Variants in SYCP1 observed in about 807,000 individuals in gnomAD.
SYCP1 encodes the protein synaptonemal complex protein 1.
A neutral mutation model predicts 153.1 loss-of-function variants in SYCP1; 64 were observed. The observed-to-expected ratio is 0.42, with a 90% CI of 0.34 to 0.51. The LOEUF (loss-of-function observed/expected upper bound fraction) is 0.51, where lower values mean the gene tolerates loss of function less well. Among genes scored for constraint, SYCP1 ranks in the 20% least tolerant of loss-of-function variants. The pLI is 0.06. For synonymous variants in SYCP1, 384 were observed against 341.8 expected (o/e 1.12, Z -1.36); for missense variants, 997 against 1,049.0 (o/e 0.95, Z 0.68).
chr1:114,938,868 C>G (rs928351202), intron 23 of SYCP1, among the ~76,000 whole-genome samples: 8 of 152,074 alleles, frequency 5.3e-5, no homozygotes, highest in Non-Finnish European at 1.2e-4. Flanking sequence ...GATATTACCT[C>G]ATACCCATTA....
intron 15 of SYCP1, among the ~76,000 whole-genome samples, chr1:114,890,524 TA>T (rs1331541930): frequency 6.6e-6 from 1 of 152,076 alleles, no homozygotes; most frequent in Non-Finnish European, 1.5e-5. Flanking sequence ...AGAGGAAGCC[TA>T]AGATAGCAAT....
chr1:114,947,036 A>G (rs567532988), intron 26 of SYCP1, among the ~76,000 whole-genome samples: 5 of 152,324 alleles, frequency 3.3e-5, no homozygotes, highest in African/African-American at 9.6e-5. Context: ...GGCATGAGCC[A>G]CTGCACCCAG....
chr1:114,936,965 C>G (rs975660914), intron 23 of SYCP1, among the ~76,000 whole-genome samples: 1 of 152,180 alleles, frequency 6.6e-6, no homozygotes, highest in African/African-American at 2.4e-5. Context: ...AATGGCCATA[C>G]TGCCCAAGGT....
upstream of SYCP1, among the ~76,000 whole-genome samples, chr1:114,854,212 T>C (rs1282985283): frequency 6.6e-6 from 1 of 152,034 alleles, no homozygotes; most frequent in African/African-American, 2.4e-5. Context: ...GCAGGATTAT[T>C]AGCTCACTGC....
chr1:114,893,669 C>A (rs990831362), intron 15 of SYCP1, among the ~76,000 whole-genome samples: 2 of 151,930 alleles, frequency 1.3e-5, no homozygotes, highest in African/African-American at 4.8e-5. Context: ...ATTGTTGGTA[C>A]CTGATTGTTG....
chr1:114,858,518 A>C, intron 5 of SYCP1, 29 bp from the exon 6 acceptor site: 1 of 1,538,402 alleles, frequency 6.5e-7, no homozygotes, highest in Non-Finnish European at 8.8e-7. Flanking sequence ...AATTTTGGAC[A>C]ATTAATTTTT....
chr1:114,895,924 T>C (rs1667030876), intron 16 of SYCP1, among the ~76,000 whole-genome samples: 1 of 152,164 alleles, frequency 6.6e-6, no homozygotes, highest in Non-Finnish European at 1.5e-5. Flanking sequence ...TGTATTTTAA[T>C]TGATTACAGT....
At chr1:114,892,260 C>T (rs1296516340) in intron 15 of SYCP1, among the ~76,000 whole-genome samples, 1 of 152,038 alleles carries the variant, frequency 6.6e-6, no homozygotes, top group Non-Finnish European at 1.5e-5. Context: ...ATTCCTATGC[C>T]CCTGATGGAG....
chr1:114,987,854 A>C lies in SYCP1; in HGVS notation c.2703+2986A>C, dbSNP rs988659851. Among the ~76,000 whole-genome samples, 10 of 151,962 alleles carry C rather than the reference A, an allele frequency of 6.6e-5. No homozygotes were observed. In the East Asian group the frequency reaches 1.9e-3, roughly 29 times the overall value. ...TAAAGTAGCTCAAATTGCTAAAGGA[A>C]GACATGGACAAAGAAAAAAAAACCC... is the stretch of plus-strand genomic sequence containing the variant. On this transcript the variant is annotated intron_variant, in intron 30 of 31. Coordinates refer to ENST00000369522, the MANE Select transcript of SYCP1 (RefSeq NM_003176.4).
chr1:114,964,984 C>T (rs1672024445), intron 27 of SYCP1, among the ~76,000 whole-genome samples: 1 of 152,134 alleles, frequency 6.6e-6, no homozygotes, highest in South Asian at 2.1e-4. Flanking sequence ...ATTGATTCTT[C>T]CTATCCATGA....
Position 114,914,059 on chromosome 1 carries a change from AT to A in SYCP1, c.1718+16del. On this transcript the variant is annotated intron_variant, in intron 20 of 31. Coordinates refer to ENST00000369522, the MANE Select transcript of SYCP1 (RefSeq NM_003176.4). The stretch of plus-strand genomic sequence containing the variant: ...AACCCAATTAAGGCAAGACTAACAA[AT>A]TGGCCTTTTTTTGTCTGGCAAAAGA... 1.3e-6 allele frequency: 2 copies of A among 1,527,422 alleles called. No individual in the cohort carries two copies. The highest frequency in any genetic ancestry group is 2.2e-5 in the Admixed American group (1 of 45,402). The allele number at this position is 1,527,422 out of a possible 1,614,324, so 94.6% of individuals were successfully genotyped here.
chr1:114,989,647 A>G (rs1256959967), intron 30 of SYCP1, among the ~76,000 whole-genome samples: 1 of 151,988 alleles, frequency 6.6e-6, no homozygotes, highest in African/African-American at 2.4e-5. Context: ...ACAAATTGAT[A>G]AAACGTGAAA....
At chr1:114,896,652 G>A (rs1195745961) in intron 16 of SYCP1, among the ~76,000 whole-genome samples, 2 of 152,186 alleles carry the variant, frequency 1.3e-5, no homozygotes, top group Non-Finnish European at 2.9e-5. Flanking sequence ...GAGCCTTTGT[G>A]TTGTTTACCT....
At chr1:114,913,178 C>T in intron 19 of SYCP1, 28 bp downstream of exon 19, 1 of 1,560,552 alleles carries the variant, frequency 6.4e-7, no homozygotes, top group Non-Finnish European at 8.8e-7. Context: ...GTGCTGGTGA[C>T]TTAGTTTTCT....
At chr1:114,883,988 G>A (rs1294891473) in intron 12 of SYCP1, among the ~76,000 whole-genome samples, 1 of 152,178 alleles carries the variant, frequency 6.6e-6, no homozygotes, top group African/African-American at 2.4e-5. Context: ...ACCGGGCCTG[G>A]CCCAGATTTA....
intron 12 of SYCP1, among the ~76,000 whole-genome samples, chr1:114,884,032 G>C (rs1481395902): frequency 6.6e-6 from 1 of 152,078 alleles, no homozygotes; most frequent in Admixed American, 6.6e-5. Flanking sequence ...TCGGACCAAT[G>C]ACCCTTTCAT....
chr1:114,869,995 CA>C (rs1665008452), intron 8 of SYCP1, among the ~76,000 whole-genome samples: 1 of 151,976 alleles, frequency 6.6e-6, no homozygotes, highest in African/African-American at 2.4e-5. Context: ...AGAAATGACC[CA>C]AAAGCATTTT....
chr1:114,972,543 G>A (rs1672561918), intron 27 of SYCP1, among the ~76,000 whole-genome samples: 2 of 151,974 alleles, frequency 1.3e-5, no homozygotes, highest in South Asian at 2.1e-4. Context: ...GGTGTTTATA[G>A]CTATATACAT....
At chr1:114,867,843 A>C (rs1664867009) in intron 8 of SYCP1, among the ~76,000 whole-genome samples, 2 of 152,100 alleles carry the variant, frequency 1.3e-5, no homozygotes, top group Admixed American at 1.3e-4. Context: ...TCCTGATCTT[A>C]GTGGGAAAGC....
Sources: allele counts gnomAD v4.1 joint callset (sites outside exome capture counted in the v4.1 genomes callset), GRCh38; gene constraint gnomAD v4.1.1; transcripts MANE v1.5; gene names NCBI Gene and HGNC (gene_info 2026-07-23, HGNC 2026-07-21).